NEBL: variants seen among roughly 807,000 people sequenced by gnomAD.
NEBL encodes the protein LIM and SH3 protein 2.
Under a neutral mutation model 140.2 loss-of-function variants are expected in NEBL, and 122 were observed. The ratio of observed to expected loss-of-function variants is 0.87; its 90% confidence interval spans 0.75 to 1.01. The LOEUF (loss-of-function observed/expected upper bound fraction) is 1.01, where lower values mean the gene tolerates loss of function less well. Among genes scored for constraint, NEBL ranks in the 50% least tolerant of loss-of-function variants. The pLI is 0.00. For missense variants in NEBL, 1,365 were observed against 1,231.3 expected, an observed-to-expected ratio of 1.11 and a Z score of -1.62; for synonymous variants, 436 against 398.9, an observed-to-expected ratio of 1.09 and a Z score of -1.11.
At chr10:20,950,695 A>C (rs1460086017) in intron 4 of NEBL, among the ~76,000 whole-genome samples, 1 of 152,232 alleles carries the variant, frequency 6.6e-6, no homozygotes, top group Non-Finnish European at 1.5e-5. Context: ...TCAAAGCCCC[A>C]GATTCTGGAG....
At chr10:21,063,852 A>G (rs1435192808) in intron 2 of NEBL, among the ~76,000 whole-genome samples, 1 of 152,174 alleles carries the variant, frequency 6.6e-6, no homozygotes, top group African/African-American at 2.4e-5. Flanking sequence ...CCTGGGCGAC[A>G]GAGCAAGAGT....
chr10:20,992,824 C>T (rs987461851), intron 3 of NEBL, among the ~76,000 whole-genome samples: 2 of 113,882 alleles, frequency 1.8e-5, no homozygotes, highest in Non-Finnish European at 3.3e-5. Flanking sequence ...GTCACCCAGG[C>T]TGGAGTGCAG....
chr10:21,235,117 A>C (rs928042666), intron 3 of NEBL, among the ~76,000 whole-genome samples: 1 of 152,082 alleles, frequency 6.6e-6, no homozygotes, highest in African/African-American at 2.4e-5. Context: ...CAACATAGTG[A>C]GATGCCATTT....
intron 14 of NEBL, among the ~76,000 whole-genome samples, chr10:20,834,448 C>A (rs1045674318): frequency 2.6e-5 from 4 of 152,214 alleles, no homozygotes; most frequent in Admixed American, 2.0e-4. Context: ...ATACCATCTC[C>A]ACTTCCTTTG....
intron 2 of NEBL, among the ~76,000 whole-genome samples, chr10:21,142,955 A>G (rs1419332598): frequency 6.6e-6 from 1 of 152,168 alleles, no homozygotes; most frequent in Non-Finnish European, 1.5e-5. Context: ...TATAATCTTC[A>G]GGTAGTTATA....
chr10:20,786,090 T>C (rs915406267), intron 27 of NEBL, among the ~76,000 whole-genome samples, 167 bp from the exon 28 acceptor site: 8 of 152,162 alleles, frequency 5.3e-5, no homozygotes, highest in Non-Finnish European at 2.9e-5. Context: ...GATCTCAAGT[T>C]TACTAGTCTA....
At chr10:21,018,301 T>C (rs375771716) in intron 3 of NEBL, among the ~76,000 whole-genome samples, 3 of 152,336 alleles carry the variant, frequency 2.0e-5, no homozygotes. Context: ...TTGCTTGATT[T>C]AGTTCTATGT....
chr10:21,133,660 T>C lies in NEBL; in HGVS notation c.164+38723A>G, dbSNP rs543061475. Among the ~76,000 whole-genome samples, 3 of 152,340 alleles carry C rather than the reference T, an allele frequency of 2.0e-5. No individual in the cohort carries two copies. In the South Asian group the frequency reaches 6.2e-4, roughly 32 times the overall value. ...TGGCACGTTGTGAACACCCAGTACA[T>C]ATTAGCTGTTATTATCAGGAAAGAT... is the stretch of plus-strand genomic sequence containing the variant. On this transcript the variant is annotated intron_variant, in intron 2 of 6. Transcript: ENST00000417816.
chr10:21,021,605 C>T (rs572586758), intron 2 of NEBL, among the ~76,000 whole-genome samples: 1 of 152,284 alleles, frequency 6.6e-6, no homozygotes, highest in South Asian at 2.1e-4. Flanking sequence ...GTTTATTTTT[C>T]AGGTCTTGCC....
At chr10:20,829,064 T>C (rs1840154096) in intron 16 of NEBL, among the ~76,000 whole-genome samples, 1 of 152,120 alleles carries the variant, frequency 6.6e-6, no homozygotes, top group Non-Finnish European at 1.5e-5. Flanking sequence ...CACTAACTCA[T>C]TTAATCAACC....
intron 2 of NEBL, among the ~76,000 whole-genome samples, chr10:21,105,633 A>G (rs752512762): frequency 5.9e-5 from 9 of 152,182 alleles, no homozygotes; most frequent in South Asian, 2.1e-4. Context: ...TGTAAATAGT[A>G]CTGCAGTAAA....
rs527746204 is a variant in NEBL, at chr10:21,116,265, C to T, written c.164+56118G>A. Among the ~76,000 whole-genome samples, 9 of 152,266 alleles carry T rather than the reference C, an allele frequency of 5.9e-5. No individual in the cohort carries two copies. In the South Asian group the frequency reaches 1.9e-3, roughly 32 times the overall value. On this transcript the variant is annotated intron_variant, in intron 2 of 6. Transcript: ENST00000417816. Reference sequence around the variant, plus strand: ...CCATTCTGTAGGTTGGAAGTCCAAACTCAAGCTGCCAACCAATTCATTTCC... The same window carrying T: ...CCATTCTGTAGGTTGGAAGTCCAAATTCAAGCTGCCAACCAATTCATTTCC...
At chr10:21,257,877 T>A (rs984408499) in intron 1 of NEBL, among the ~76,000 whole-genome samples, 3 of 150,140 alleles carry the variant, frequency 2.0e-5, no homozygotes, top group Admixed American at 2.0e-4. Context: ...AGAGCGAGAC[T>A]CCATCTCACA....
intron 3 of NEBL, among the ~76,000 whole-genome samples, chr10:21,200,719 C>G (rs1360521593): frequency 6.6e-6 from 1 of 152,084 alleles, no homozygotes; most frequent in Non-Finnish European, 1.5e-5. Flanking sequence ...AGAGCAGAGG[C>G]GAGCTGTGGT....
chr10:21,096,993 A>T (rs969237608), intron 2 of NEBL, among the ~76,000 whole-genome samples: 2 of 152,162 alleles, frequency 1.3e-5, no homozygotes, highest in Admixed American at 6.6e-5. Context: ...TCCTTAAAAA[A>T]AAAAGGTAAT....
intron 3 of NEBL, among the ~76,000 whole-genome samples, chr10:21,203,468 ACTTCATTT>A (rs1176429295): frequency 6.6e-6 from 1 of 152,208 alleles, no homozygotes. Flanking sequence ...AGAATTTCTC[ACTTCATTT>A]CTGTTTCAGT....
chr10:20,992,940 G>A (rs1837524628), intron 3 of NEBL, among the ~76,000 whole-genome samples: 1 of 151,504 alleles, frequency 6.6e-6, no homozygotes. Context: ...ACCACACCCG[G>A]CTAATTTTGT....
At position 20,812,956 on chromosome 10, in the gene NEBL, T is replaced by C; in HGVS notation, c.2347-16A>G. 1 of 1,610,576 alleles carries C rather than the reference T, an allele frequency of 6.2e-7. No individual in the cohort carries two copies. The highest frequency in any genetic ancestry group is 8.5e-7 in the Non-Finnish European group (1 of 1,177,102). On this transcript the variant is annotated splice_polypyrimidine_tract_variant and intron_variant, in intron 23 of 27. Transcript: ENST00000377122. ...GGTATTTTACCTGAAAAAGGAAAAATCATCATACTGAATTTTGCGGATAGT... is the reference window on the plus strand; with the variant it reads ...GGTATTTTACCTGAAAAAGGAAAAACCATCATACTGAATTTTGCGGATAGT...
chr10:21,102,155 G>C (rs1486195440), intron 2 of NEBL, among the ~76,000 whole-genome samples: 1 of 152,196 alleles, frequency 6.6e-6, no homozygotes, highest in African/African-American at 2.4e-5. Flanking sequence ...TACCACAACT[G>C]TTAATAAGCT....
Sources: gnomAD v4.1 joint callset for allele counts (sites outside exome capture counted in the v4.1 genomes callset) on GRCh38, gnomAD v4.1.1 for gene constraint, MANE v1.5 for transcripts, NCBI Gene and HGNC (gene_info 2026-07-23, HGNC 2026-07-21) for gene names.